Variants in ANK3 observed in about 807,000 individuals in gnomAD.
The protein encoded by ANK3 is ankyrin 3.
In ANK3, 57 loss-of-function variants were observed where a neutral mutation model predicts 370.9. That is an observed-to-expected ratio of 0.15 (90% CI 0.12 to 0.19). ANK3 has a LOEUF of 0.19. Ranked by LOEUF, ANK3 falls within the 10% of genes least tolerant of loss-of-function variation. The pLI is 1.00. For missense variants in ANK3, 4,439 were observed against 5,302.1 expected (o/e 0.84, Z 5.06); for synonymous variants, 1,929 against 1,946.3 (o/e 0.99, Z 0.23).
At chr10:60,609,033 G>A (rs971317825) in intron 2 of ANK3, among the ~76,000 whole-genome samples, 3 of 152,098 alleles carry the variant, frequency 2.0e-5, no homozygotes, top group Non-Finnish European at 4.4e-5. Flanking sequence ...TGGAAAATGG[G>A]GTTAGAATGC....
chr10:60,672,048 T>C (rs2079070210), intron 1 of ANK3, among the ~76,000 whole-genome samples: 1 of 152,226 alleles, frequency 6.6e-6, no homozygotes, highest in South Asian at 2.1e-4. Flanking sequence ...ATATAATAAA[T>C]ACTTATTGTT....
intron 1 of ANK3, among the ~76,000 whole-genome samples, chr10:60,644,776 A>G (rs1266721631): frequency 6.6e-6 from 1 of 150,792 alleles, no homozygotes; most frequent in Non-Finnish European, 1.5e-5. Flanking sequence ...GGTATTCAAT[A>G]CTTATGCCAA....
chr10:60,406,255 A>G (rs967507717), intron 2 of ANK3, among the ~76,000 whole-genome samples: 1 of 152,316 alleles, frequency 6.6e-6, no homozygotes, highest in South Asian at 2.1e-4. Context: ...CTGCATTCCA[A>G]TAAAACTTTA....
intron 23 of ANK3, among the ~76,000 whole-genome samples, chr10:60,155,865 C>T (rs561598052): frequency 7.9e-5 from 12 of 152,352 alleles, no homozygotes; most frequent in African/African-American, 2.9e-4. Context: ...TGGACCTACA[C>T]CAGTGATTTG....
In ANK3 at chr10:60,208,241, A is replaced by G. The variant is rs2096794416; in HGVS notation, c.997-8T>C. The stretch of plus-strand genomic sequence containing the variant: ...CAATGGAGATAATCCATTCTGGAAC[A>G]CATAAAGAAATCAGAGTTCATTCTT... On this transcript the variant is annotated splice_polypyrimidine_tract_variant and splice_region_variant and intron_variant, in intron 9 of 43. Coordinates refer to ENST00000280772, the MANE Select transcript of ANK3 (RefSeq NM_020987.5). 4 of 1,613,034 alleles carry G rather than the reference A, an allele frequency of 2.5e-6. No homozygotes were observed. Among genetic ancestry groups the G allele is most frequent in the Non-Finnish European group, 3.4e-6 (4 of 1,179,014 alleles).
At position 60,196,172 on chromosome 10, in the gene ANK3, T is replaced by C. The variant is rs1396046217; in HGVS notation, c.1860A>G (p.Gln620=). Residue 620 remains glutamine (Q), a synonymous_variant, in exon 16 of 44, where the codon CAA becomes CAG. Coordinates refer to ENST00000280772, the MANE Select transcript of ANK3 (RefSeq NM_020987.5). ...NQKVALLLLD[Q]GASPHAAAKN... ...TTGCGGCTGCGTGAGGTGAGGCTCC[T>C]TGGTCCAAAAGCAGAAGGGCCACTT... is the stretch of plus-strand genomic sequence containing the variant. 6.2e-7 allele frequency: 1 copy of C among 1,613,942 alleles called. No homozygotes were observed. Among genetic ancestry groups the C allele is most frequent in the East Asian group, 2.2e-5 (1 of 44,876 alleles).
intron 1 of ANK3, among the ~76,000 whole-genome samples, chr10:60,284,282 T>C (rs1427746667): frequency 6.6e-6 from 1 of 152,162 alleles, no homozygotes; most frequent in Admixed American, 6.5e-5. Context: ...GATTTTGGAC[T>C]TCTGGCTCCA....
chr10:60,313,479 C>T (rs1162863893), intron 1 of ANK3, among the ~76,000 whole-genome samples: 2 of 152,160 alleles, frequency 1.3e-5, no homozygotes, highest in Non-Finnish European at 2.9e-5. Context: ...AAAGGATGAG[C>T]TGGAACATAT....
At chr10:60,423,885 C>T (rs184116728) in intron 2 of ANK3, among the ~76,000 whole-genome samples, 1 of 152,166 alleles carries the variant, frequency 6.6e-6, no homozygotes, top group Admixed American at 6.6e-5. Context: ...AACAACTCTC[C>T]TACCATTCTT....
intron 38 of ANK3, among the ~76,000 whole-genome samples, chr10:60,067,696 A>G (rs1439744584): frequency 1.3e-5 from 2 of 152,226 alleles, no homozygotes; most frequent in African/African-American, 4.8e-5. Context: ...GCTTAAATTT[A>G]AGGTAAAATA....
At chr10:60,680,033 G>A (rs186749257) in intron 1 of ANK3, among the ~76,000 whole-genome samples, 21 of 151,668 alleles carry the variant, frequency 1.4e-4, no homozygotes, top group African/African-American at 4.8e-4. Flanking sequence ...TACTCAGGAG[G>A]TGGAGGCACA....
chr10:60,281,782 T>C (rs2098167181), intron 1 of ANK3, among the ~76,000 whole-genome samples: 1 of 152,150 alleles, frequency 6.6e-6, no homozygotes, highest in Admixed American at 6.5e-5. Context: ...ATACCAGAGA[T>C]TATAAACTAA....
At chr10:60,501,219 C>A (rs1420601505) in intron 2 of ANK3, among the ~76,000 whole-genome samples, 1 of 152,118 alleles carries the variant, frequency 6.6e-6, no homozygotes, top group Non-Finnish European at 1.5e-5. Context: ...TGAGAGCAGG[C>A]AGGAGGTGAG....
intron 1 of ANK3, among the ~76,000 whole-genome samples, chr10:60,375,497 G>C (rs567072649): frequency 1.3e-5 from 2 of 150,860 alleles, no homozygotes; most frequent in Admixed American, 6.6e-5. Context: ...AGGCCTGCCT[G>C]GGGGGGGAGG....
At chr10:60,363,090 G>C (rs916529684) in intron 1 of ANK3, among the ~76,000 whole-genome samples, 2 of 146,750 alleles carry the variant, frequency 1.4e-5, no homozygotes, top group South Asian at 4.7e-4. Flanking sequence ...GGGCGGGGGA[G>C]GGGGGCGGGG....
intron 2 of ANK3, among the ~76,000 whole-genome samples, chr10:60,422,597 G>C (rs2063801660): frequency 1.3e-5 from 2 of 152,018 alleles, no homozygotes; most frequent in East Asian, 1.9e-4. Context: ...AGGTAATAAA[G>C]CTTCAGCAAT....
intron 2 of ANK3, among the ~76,000 whole-genome samples, chr10:60,587,265 C>G (rs904277801): frequency 6.6e-6 from 1 of 152,154 alleles, no homozygotes; most frequent in African/African-American, 2.4e-5. Context: ...CCCTAAACAC[C>G]TGGCGATTAC....
chr10:60,440,824 C>CA (rs1225051880), intron 2 of ANK3, among the ~76,000 whole-genome samples: 1 of 152,150 alleles, frequency 6.6e-6, no homozygotes, highest in East Asian at 1.9e-4. Flanking sequence ...TCCAACCACC[C>CA]AAATTAATGT....
chr10:60,280,248 C>CG lies in ANK3; in HGVS notation c.115-610dup, dbSNP rs543043474. Among the ~76,000 whole-genome samples the CG allele has an allele frequency of 5.8e-3, 886 of 152,110 alleles. 6 individuals carry two copies. The highest frequency in any genetic ancestry group is 0.015 in the Admixed American group (230 of 15,250). ...AGGCTACTTTTTTATTTTTTAGAGA[C>CG]GGGGTCTCACTATGTTCCCAGGCTG... On this transcript the variant is annotated intron_variant, in intron 1 of 43. Coordinates refer to ENST00000280772, the MANE Select transcript of ANK3 (RefSeq NM_020987.5).
Sources: gnomAD v4.1 joint callset for allele counts (sites outside exome capture counted in the v4.1 genomes callset) on GRCh38, gnomAD v4.1.1 for gene constraint, MANE v1.5 for transcripts, NCBI Gene and HGNC (gene_info 2026-07-23, HGNC 2026-07-21) for gene names.